Variants in TXNDC16 observed in about 807,000 individuals in gnomAD.
TXNDC16 encodes thioredoxin domain containing 16.
In TXNDC16, 74 loss-of-function variants were observed where a neutral mutation model predicts 85.6. The observed-to-expected ratio is 0.86, with a 90% CI of 0.72 to 1.05. The LOEUF (loss-of-function observed/expected upper bound fraction) is 1.05. Ranked by LOEUF, TXNDC16 falls within the 50% of genes least tolerant of loss-of-function variation. The pLI, the probability that TXNDC16 is intolerant of heterozygous loss-of-function variation, is 0.00. For missense variants in TXNDC16, 959 were observed against 947.0 expected (o/e 1.01, Z -0.17); for synonymous variants, 335 against 326.5 (o/e 1.03, Z -0.28).
At chr14:52,500,090 T>C (rs779839681) in intron 9 of TXNDC16, among the ~76,000 whole-genome samples, 9 of 152,154 alleles carry the variant, frequency 5.9e-5, no homozygotes, top group African/African-American at 1.2e-4. Flanking sequence ...AACTACCATA[T>C]GATCCAGCAA....
At chr14:52,518,840 A>T (rs1037899851) in intron 7 of TXNDC16, among the ~76,000 whole-genome samples, 1 of 152,044 alleles carries the variant, frequency 6.6e-6, no homozygotes, top group South Asian at 2.1e-4. Flanking sequence ...AATTTATTTT[A>T]ATTATTCATT....
rs1383362158 is a variant in TXNDC16, at chr14:52,505,768, A to C, written c.756+5472T>G. Among the ~76,000 whole-genome samples the C allele has an allele frequency of 2.0e-5, 3 of 152,226 alleles. No individual in the cohort carries two copies. In the East Asian group the frequency reaches 5.8e-4, roughly 29 times the overall value. ...GAGACACAAAAAACCCTTCAAAAAA[A>C]TCAATGAATCCAGGAGCTGGTTTTT... On this transcript the variant is annotated intron_variant, in intron 9 of 20. Coordinates refer to ENST00000281741, the MANE Select transcript of TXNDC16 (RefSeq NM_020784.3).
intron 9 of TXNDC16, among the ~76,000 whole-genome samples, chr14:52,508,034 G>T (rs1220591559): frequency 6.6e-6 from 1 of 152,118 alleles, no homozygotes; most frequent in Non-Finnish European, 1.5e-5. Context: ...AACACCAAAA[G>T]CAATGGCAAC....
At chr14:52,494,920 T>C (rs1404217230) in intron 9 of TXNDC16, among the ~76,000 whole-genome samples, 2 of 152,212 alleles carry the variant, frequency 1.3e-5, no homozygotes, top group Non-Finnish European at 2.9e-5. Flanking sequence ...AATACCTTAA[T>C]GTCACATGTG....
At position 52,519,086 on chromosome 14, in the gene TXNDC16, T is replaced by C. The variant is rs909972307; in HGVS notation, c.514+86A>G. Reference sequence around the variant, plus strand: ...AGATTTATTTTAAATATTACGACTGTAGTCAAAAAAATACACTATTTTAAG... The same window carrying C: ...AGATTTATTTTAAATATTACGACTGCAGTCAAAAAAATACACTATTTTAAG... On this transcript the variant is annotated intron_variant, in intron 7 of 20. Transcript: ENST00000281741. 9 of 1,309,118 alleles carry C rather than the reference T, an allele frequency of 6.9e-6. No homozygotes were observed. In the African/African-American group the frequency reaches 1.0e-4, roughly 15 times the overall value. The allele number at this position is 1,309,118 out of a possible 1,614,324, so 81.1% of individuals were successfully genotyped here.
Position 52,490,448 on chromosome 14 carries a change from G to A in TXNDC16, c.927C>T (p.Asp309=). Residue 309 remains aspartate (D), a synonymous_variant, in exon 11 of 21, where the codon GAC becomes GAT. Transcript: ENST00000281741. ...CTTGAGGAATGTTCACTTCCAAAGA[G>A]TCCCTTTTTCAAAATGGAAATAAAT... The part of the protein sequence containing the change: ...GKAGVLLLLR[D]SLEVNIPQDA... 3 of 1,597,386 alleles carry A rather than the reference G, an allele frequency of 1.9e-6. No individual in the cohort carries two copies. The highest frequency in any genetic ancestry group is 2.6e-6 in the Non-Finnish European group (3 of 1,173,968).
intron 4 of TXNDC16, among the ~76,000 whole-genome samples, chr14:52,540,283 C>T (rs1424796963): frequency 2.6e-5 from 4 of 152,196 alleles, no homozygotes; most frequent in Admixed American, 6.5e-5. Flanking sequence ...TTTCCCAATA[C>T]ATCTGTGACT....
intron 5 of TXNDC16, among the ~76,000 whole-genome samples, 178 bp from the exon 6 acceptor site, chr14:52,536,971 TA>T (rs2037716793): frequency 6.6e-6 from 1 of 151,822 alleles, no homozygotes; most frequent in African/African-American, 2.4e-5. Flanking sequence ...TCTCAATAAA[TA>T]TATTAACTTT....
chr14:52,496,600 T>C (rs1172005239), intron 9 of TXNDC16, among the ~76,000 whole-genome samples: 1 of 143,506 alleles, frequency 7.0e-6, no homozygotes, highest in Non-Finnish European at 1.5e-5. Context: ...GACTTTTTTA[T>C]GATTTTATGA....
intron 17 of TXNDC16, among the ~76,000 whole-genome samples, chr14:52,456,787 A>C (rs1220668305): frequency 1.3e-5 from 2 of 152,190 alleles, no homozygotes; most frequent in East Asian, 1.9e-4. Context: ...AATTTATCCC[A>C]AACTATGATA....
intron 20 of TXNDC16, among the ~76,000 whole-genome samples, chr14:52,436,976 C>T (rs1341447720): frequency 1.3e-5 from 2 of 151,994 alleles, no homozygotes; most frequent in South Asian, 2.1e-4. Flanking sequence ...CTTTTTGTTA[C>T]ATTTCACACT....
chr14:52,525,833 T>C (rs1161191121), intron 6 of TXNDC16, among the ~76,000 whole-genome samples: 4 of 151,836 alleles, frequency 2.6e-5, no homozygotes, highest in Non-Finnish European at 4.4e-5. Flanking sequence ...GATTCTTGGA[T>C]ACCAAAACCC....
intron 14 of TXNDC16, among the ~76,000 whole-genome samples, chr14:52,471,868 T>C (rs2035915547): frequency 6.6e-6 from 1 of 151,154 alleles, no homozygotes; most frequent in South Asian, 2.1e-4. Flanking sequence ...TAAATCACTG[T>C]GTGGAAAGAG....
Position 52,440,595 on chromosome 14 carries a change from A to C in TXNDC16, c.1972T>G (p.Leu658Val), listed in dbSNP as rs376194120. The C allele has an allele frequency of 1.2e-6, 2 of 1,606,774 alleles. No homozygotes were observed. The highest frequency in any genetic ancestry group is 1.7e-6 in the Non-Finnish European group (2 of 1,177,788). ...AACCAGCATGGAGTAAATGAATCCAAGTATTTCTGCTTTACCAGTGTCAAT... is the reference window on the plus strand; with the variant it reads ...AACCAGCATGGAGTAAATGAATCCACGTATTTCTGCTTTACCAGTGTCAAT... ...AILTLVKQKY[L>V]DSFTPCWLNL... is the part of the protein sequence containing the mutation. The change falls in exon 19 of 21, where the codon TTG becomes GTG. Residue 658 changes from leucine (L) to valine (V), a missense_variant. By Grantham distance (32) the Leu-to-Val change is conservative (BLOSUM62 1). Coordinates refer to ENST00000281741, the MANE Select transcript of TXNDC16 (RefSeq NM_020784.3).
At chr14:52,486,437 C>G (rs906881186) in intron 12 of TXNDC16, among the ~76,000 whole-genome samples, 1 of 152,034 alleles carries the variant, frequency 6.6e-6, no homozygotes, top group East Asian at 1.9e-4. Context: ...GCACATACCA[C>G]CATCTTGGCT....
chr14:52,528,579 C>T (rs1269215529), intron 6 of TXNDC16, among the ~76,000 whole-genome samples: 2 of 151,198 alleles, frequency 1.3e-5, no homozygotes, highest in East Asian at 1.9e-4. Context: ...ATACACAGCT[C>T]TTATGTACAT....
intron 9 of TXNDC16, among the ~76,000 whole-genome samples, chr14:52,507,945 C>A (rs1264866248): frequency 6.6e-6 from 1 of 152,124 alleles, no homozygotes; most frequent in Non-Finnish European, 1.5e-5. Flanking sequence ...AATGTTAGAC[C>A]TAAAACCATA....
chr14:52,484,820 G>T (rs1008026727), intron 12 of TXNDC16, among the ~76,000 whole-genome samples: 1 of 152,126 alleles, frequency 6.6e-6, no homozygotes, highest in Non-Finnish European at 1.5e-5. Context: ...GGTGGAGGTT[G>T]CAGTGAGCCG....
At chr14:52,542,882 G>A (rs2037862298) in intron 3 of TXNDC16, among the ~76,000 whole-genome samples, 1 of 151,964 alleles carries the variant, frequency 6.6e-6, no homozygotes, top group Admixed American at 6.6e-5. Context: ...TCCAAGAATA[G>A]TACTTTTAAG....
Sources: gnomAD v4.1 joint callset for allele counts (sites outside exome capture counted in the v4.1 genomes callset) on GRCh38, gnomAD v4.1.1 for gene constraint, MANE v1.5 for transcripts, NCBI Gene and HGNC (gene_info 2026-07-23, HGNC 2026-07-21) for gene names.